SRSF11: variants seen among roughly 807,000 people sequenced by gnomAD.
The protein encoded by SRSF11 is serine and arginine rich splicing factor 11.
A neutral mutation model predicts 56.0 loss-of-function variants in SRSF11; 9 were observed. The observed-to-expected ratio is 0.16, with a 90% CI of 0.10 to 0.28. The LOEUF is 0.28. SRSF11 is among the 10% of genes least tolerant of loss of function. The pLI is 1.00. For synonymous variants in SRSF11, 222 were observed against 215.3 expected (o/e 1.03, Z -0.27); for missense variants, 421 against 600.7 (o/e 0.70, Z 3.13).
intron 9 of SRSF11, chr1:70,249,294 G>C (rs188179730): frequency 1.2e-4 from 18 of 152,208 alleles, no homozygotes; most frequent in Middle Eastern, 3.4e-3. Flanking sequence ...GAATTATTCT[G>C]TACTTACTCT....
chr1:70,217,525 C>A (rs886161424), upstream of SRSF11, among the ~76,000 whole-genome samples: 1 of 152,104 alleles, frequency 6.6e-6, no homozygotes, highest in Non-Finnish European at 1.5e-5. Context: ...ACATTCACTT[C>A]CTTTTCCCTA....
At chr1:70,212,938 G>C (rs1669694657) in intron 1 of SRSF11, among the ~76,000 whole-genome samples, 1 of 151,886 alleles carries the variant, frequency 6.6e-6, no homozygotes, top group Admixed American at 6.6e-5. Context: ...TATAGTCCCA[G>C]CTACTGGGGG....
rs571997309 is a variant in SRSF11, at chr1:70,232,457, A to T, written c.447+80A>T. On this transcript the variant is annotated intron_variant, in intron 3 of 11. Coordinates refer to ENST00000370949, the MANE Select transcript of SRSF11 (RefSeq NM_001350605.2). Reference sequence around the variant, plus strand: ...AAGCTAAACATATTTGAACTTTGTAAGTACTCATAAGATTCTAGTTCAGAT... The same window carrying T: ...AAGCTAAACATATTTGAACTTTGTATGTACTCATAAGATTCTAGTTCAGAT... The T allele has an allele frequency of 4.8e-6, 5 of 1,039,806 alleles. No individual in the cohort carries two copies. In the East Asian group the frequency reaches 9.5e-5, roughly 20 times the overall value. 64.4% of individuals were successfully genotyped at this position (1,039,806 alleles called of 1,614,324 possible).
At chr1:70,241,504 T>C (rs1449947883) in intron 7 of SRSF11, among the ~76,000 whole-genome samples, 4 of 152,202 alleles carry the variant, frequency 2.6e-5, no homozygotes, top group African/African-American at 7.2e-5. Context: ...TCACAGATAC[T>C]GAGAAGTTCC....
intron 2 of SRSF11, chr1:70,229,736 A>C: frequency 1.0e-6 from 1 of 984,508 alleles, no homozygotes; most frequent in Non-Finnish European, 1.2e-6. Flanking sequence ...ATACCTTGTA[A>C]AAGTTGTGAA....
At position 70,229,737 on chromosome 1, in the gene SRSF11, A is replaced by G. The variant is rs1416347260; in HGVS notation, c.337+1182A>G. 3.0e-6 allele frequency: 3 copies of G among 984,436 alleles called. No individual in the cohort carries two copies. The African/African-American group carries it at 5.2e-5, about 17-fold the overall frequency. The allele number at this position is 984,436 out of a possible 1,614,324, so 61.0% of individuals were successfully genotyped here. A position where few individuals can be genotyped will look rare whatever the true frequency, so the allele number is the denominator to read the frequency against. ...TGAGCATTTACACCATACCTTGTAA[A>G]AGTTGTGAAATGTCTAGTCCTTAAC... On this transcript the variant is annotated intron_variant, in intron 2 of 11. Transcript: ENST00000370949.
intron 5 of SRSF11, among the ~76,000 whole-genome samples, chr1:70,236,141 G>A (rs1673953296): frequency 6.6e-6 from 1 of 152,040 alleles, no homozygotes; most frequent in Admixed American, 6.6e-5. Context: ...TCAGTAGTTA[G>A]TGGACTTTTT....
At chr1:70,235,658 G>A in intron 5 of SRSF11, 108 bp downstream of exon 5, 1 of 1,070,114 alleles carries the variant, frequency 9.3e-7, no homozygotes, top group Admixed American at 2.5e-5. Flanking sequence ...CTTTTCTCAA[G>A]ACAAGCAATA....
rs1454864882 is a variant in SRSF11 at position 70,252,041 on chromosome 1, GCTA to G, written c.*1239_*1241del. 7 of 152,440 alleles carry G rather than the reference GCTA, an allele frequency of 4.6e-5. No homozygotes were observed. Among genetic ancestry groups the G allele is most frequent in the African/African-American group, 1.7e-4 (7 of 41,400 alleles). 9.4% of individuals were successfully genotyped at this position (152,440 alleles called of 1,614,324 possible). A position where few individuals can be genotyped will look rare whatever the true frequency, so the allele number is the denominator to read the frequency against. ...TAAAACCGTATTTGTATTTATTTAC[GCTA>G]CTGAATGTATGACATTTACCTCATT... On this transcript the variant is annotated 3_prime_UTR_variant, in exon 12 of 12. Coordinates refer to ENST00000370949, the MANE Select transcript of SRSF11 (RefSeq NM_001350605.2).
intron 6 of SRSF11, 40 bp from the exon 7 acceptor site, chr1:70,239,399 A>C (rs367889596): frequency 7.5e-6 from 11 of 1,467,072 alleles, no homozygotes; most frequent in Admixed American, 2.0e-5. Flanking sequence ...GCCCCTATTT[A>C]ATAACTTCTA....
intron 7 of SRSF11, among the ~76,000 whole-genome samples, chr1:70,242,588 G>C (rs573619517): frequency 6.6e-6 from 1 of 152,100 alleles, no homozygotes; most frequent in East Asian, 1.9e-4. Flanking sequence ...ACAGATACAA[G>C]CCACTGAGTC....
At chr1:70,222,045 C>T (rs1374774004) in intron 1 of SRSF11, among the ~76,000 whole-genome samples, 1 of 152,110 alleles carries the variant, frequency 6.6e-6, no homozygotes, top group Non-Finnish European at 1.5e-5. Flanking sequence ...AATTAGGAAA[C>T]ACTGGCTGTT....
At chr1:70,232,463 C>CA (rs1673019177) in intron 3 of SRSF11, 86 bp downstream of exon 3, 1 of 996,752 alleles carries the variant, frequency 1.0e-6, no homozygotes, top group Non-Finnish European at 1.5e-6. Flanking sequence ...TGTAAGTACT[C>CA]ATAAGATTCT....
chr1:70,245,699 G>A (rs551468060), intron 8 of SRSF11, among the ~76,000 whole-genome samples: 76 of 152,190 alleles, frequency 5.0e-4, no homozygotes, highest in Non-Finnish European at 9.6e-4. Context: ...GGTGGAGAAT[G>A]GTGTTTCTTG....
rs752644257 is a variant in SRSF11 at position 70,221,645 on chromosome 1, C to T, written c.9C>T (p.Asn3=). Residue 3 remains asparagine (N), a synonymous_variant, in exon 1 of 12, where the codon AAC becomes AAT. Coordinates refer to ENST00000370949, the MANE Select transcript of SRSF11 (RefSeq NM_001350605.2). MS[N]TTVVPSTAGP... is the part of the protein sequence containing the mutation. ...AGAACCCGAGCAGCGCCATGAGCAA[C>T]ACTACCGTCGTCCCCAGCACTGCAG... 6.2e-7 allele frequency: 1 copy of T among 1,610,996 alleles called. No homozygotes were observed. Among genetic ancestry groups the T allele is most frequent in the South Asian group, 1.1e-5 (1 of 90,860 alleles).
intron 1 of SRSF11, among the ~76,000 whole-genome samples, chr1:70,206,805 G>A (rs1368864501): frequency 6.6e-6 from 1 of 151,300 alleles, no homozygotes; most frequent in African/African-American, 2.4e-5. Flanking sequence ...TCTTATTTCT[G>A]TGGAGTCCTT....
chr1:70,207,037 C>T (rs1273810233), intron 1 of SRSF11, among the ~76,000 whole-genome samples: 4 of 151,732 alleles, frequency 2.6e-5, no homozygotes, highest in Non-Finnish European at 4.4e-5. Flanking sequence ...ATTATAGCCG[C>T]GCACCACCAC....
At chr1:70,237,368 G>A in intron 5 of SRSF11, 57 bp from the exon 6 acceptor site, 9 of 1,590,758 alleles carry the variant, frequency 5.7e-6, no homozygotes, top group South Asian at 1.2e-5. Context: ...GTATTTATTT[G>A]AAATGCTCGT....
intron 7 of SRSF11, 48 bp from the exon 8 acceptor site, chr1:70,244,636 G>A (rs1347100627): frequency 4.4e-6 from 7 of 1,573,668 alleles, no homozygotes; most frequent in South Asian, 1.2e-5. Context: ...AAAATTTATA[G>A]TCTTTTTACA....
Sources: allele counts gnomAD v4.1 joint callset (sites outside exome capture counted in the v4.1 genomes callset), GRCh38; gene constraint gnomAD v4.1.1; transcripts MANE v1.5; gene names NCBI Gene and HGNC (gene_info 2026-07-23, HGNC 2026-07-21).